Variants in DPF3 observed in about 807,000 individuals in gnomAD.
DPF3 encodes the protein double PHD fingers 3.
A neutral mutation model predicts 56.8 loss-of-function variants in DPF3; 18 were observed. That is an observed-to-expected ratio of 0.32 (90% confidence interval 0.22 to 0.47). The LOEUF (loss-of-function observed/expected upper bound fraction) is 0.47. DPF3 is among the 20% of genes least tolerant of loss of function. DPF3 has a pLI of 1.00. For synonymous variants in DPF3, 188 were observed against 180.2 expected (o/e 1.04, Z -0.35); for missense variants, 403 against 488.8 (o/e 0.82, Z 1.65).
chr14:72,892,127 T>C, intron 1 of DPF3: 23 of 1,528,472 alleles, frequency 1.5e-5, no homozygotes, highest in Non-Finnish European at 2.0e-5. Context: ...AGGGTACGGC[T>C]TTCCCAGGAG....
At chr14:72,791,575 C>A (rs746466290) in intron 1 of DPF3, among the ~76,000 whole-genome samples, 2 of 152,176 alleles carry the variant, frequency 1.3e-5, no homozygotes, top group African/African-American at 2.4e-5. Context: ...TCCCCCTGTG[C>A]GGGGTGTTAA....
At position 72,609,201 on chromosome 14, in the gene DPF3, G is replaced by A. The variant is rs1366220913; in HGVS notation, c.*10096C>T. On this transcript the variant is annotated 3_prime_UTR_variant, in exon 11 of 11. Transcript: ENST00000556509. ...TTTGAGAACGTGCGAGCATTCCATG[G>A]GATATCGAGGGGTCCCAAAGAAGAA... is the stretch of plus-strand genomic sequence containing the variant. 6.6e-6 allele frequency among the ~76,000 whole-genome samples: 1 copy of A among 152,126 alleles called. No homozygotes were observed. The highest frequency in any genetic ancestry group is 1.5e-5 in the Non-Finnish European group (1 of 68,020).
chr14:72,755,120 T>C (rs536301623), intron 2 of DPF3, among the ~76,000 whole-genome samples: 2 of 152,340 alleles, frequency 1.3e-5, no homozygotes, highest in Non-Finnish European at 2.9e-5. Context: ...CTCTGGGCCT[T>C]AGGTTTCCTT....
At chr14:72,798,359 C>A (rs1010863534) in intron 1 of DPF3, among the ~76,000 whole-genome samples, 4 of 151,526 alleles carry the variant, frequency 2.6e-5, no homozygotes, top group Admixed American at 2.0e-4. Context: ...CTCTTAAGAG[C>A]CCCATTTATC....
intron 1 of DPF3, among the ~76,000 whole-genome samples, chr14:72,840,685 T>C (rs1884510071): frequency 6.6e-6 from 1 of 152,236 alleles, no homozygotes; most frequent in African/African-American, 2.4e-5. Flanking sequence ...TAATTCATGA[T>C]ATAAAGGTGT....
chr14:72,758,958 G>C (rs1890954613), intron 2 of DPF3, among the ~76,000 whole-genome samples: 1 of 152,026 alleles, frequency 6.6e-6, no homozygotes, highest in Non-Finnish European at 1.5e-5. Context: ...TAAAGAAGCT[G>C]GAAAATATGA....
intron 1 of DPF3, among the ~76,000 whole-genome samples, chr14:72,873,383 A>T (rs935109387): frequency 6.6e-6 from 1 of 152,190 alleles, no homozygotes; most frequent in African/African-American, 2.4e-5. Flanking sequence ...ATACCATCTC[A>T]CACCAGTTAG....
intron 8 of DPF3, among the ~76,000 whole-genome samples, chr14:72,645,310 T>TTC (rs1211135973): frequency 1.3e-5 from 2 of 151,256 alleles, no homozygotes; most frequent in African/African-American, 4.9e-5. Flanking sequence ...TTTTTTTTTT[T>TTC]CAGAGATAGG....
intron 6 of DPF3, among the ~76,000 whole-genome samples, chr14:72,707,649 G>T (rs570225009): frequency 1.1e-3 from 161 of 151,756 alleles, no homozygotes; most frequent in African/African-American, 3.7e-3. Context: ...AAAATGGTAC[G>T]TATCATTTCT....
intron 7 of DPF3, 124 bp downstream of exon 7, chr14:72,692,952 C>A: frequency 6.7e-7 from 1 of 1,502,704 alleles, no homozygotes. Context: ...CACACTACAG[C>A]ACATTGAGAC....
At position 72,753,430 on chromosome 14, in the gene DPF3, T is replaced by C. The variant is rs928152429; in HGVS notation, c.194-59A>G. On this transcript the variant is annotated intron_variant, in intron 2 of 10. Coordinates refer to ENST00000556509, the MANE Select transcript of DPF3 (RefSeq NM_001280542.3). The stretch of plus-strand genomic sequence containing the variant: ...CCAGGCTGGAAGGGGCCTTGGAAAC[T>C]ACCCTGACTAACCCCGTCATTCACA... The C allele has an allele frequency of 2.0e-4, 276 of 1,346,938 alleles. 1 individual carries two copies. Among genetic ancestry groups the C allele is most frequent in the Middle Eastern group, 9.1e-4 (5 of 5,496 alleles). The allele number at this position is 1,346,938 out of a possible 1,614,324, so 83.4% of individuals were successfully genotyped here.
At chr14:72,803,498 G>C (rs1355709733) in intron 1 of DPF3, among the ~76,000 whole-genome samples, 2 of 152,230 alleles carry the variant, frequency 1.3e-5, no homozygotes, top group Non-Finnish European at 2.9e-5. Context: ...CTGGCAATGG[G>C]CCATGAAAAC....
At chr14:72,653,537 A>G (rs1002486093) in intron 8 of DPF3, among the ~76,000 whole-genome samples, 7 of 152,240 alleles carry the variant, frequency 4.6e-5, no homozygotes, top group African/African-American at 1.7e-4. Context: ...TCAGACCCCA[A>G]GGAGCTTCAC....
At chr14:72,814,252 C>T (rs1369077702) in intron 1 of DPF3, among the ~76,000 whole-genome samples, 1 of 152,124 alleles carries the variant, frequency 6.6e-6, no homozygotes, top group Non-Finnish European at 1.5e-5. Flanking sequence ...CTTCCCAGGC[C>T]TTCACCCTTC....
At chr14:72,658,097 G>T (rs1463933492) in intron 8 of DPF3, among the ~76,000 whole-genome samples, 1 of 152,192 alleles carries the variant, frequency 6.6e-6, no homozygotes. Flanking sequence ...GCACAGTAGG[G>T]TGACTGTAGT....
chr14:72,649,449 T>C (rs893110434), intron 8 of DPF3, among the ~76,000 whole-genome samples: 1 of 151,214 alleles, frequency 6.6e-6, no homozygotes, highest in Non-Finnish European at 1.5e-5. Context: ...TCCAGAAGAG[T>C]GAGGACAGAG....
chr14:72,705,077 C>G (rs1427640137), intron 6 of DPF3, among the ~76,000 whole-genome samples: 1 of 152,168 alleles, frequency 6.6e-6, no homozygotes, highest in African/African-American at 2.4e-5. Flanking sequence ...ACCCCCCGGG[C>G]TATAGACTGA....
At chr14:72,827,780 C>T (rs1412649211) in intron 1 of DPF3, among the ~76,000 whole-genome samples, 1 of 151,868 alleles carries the variant, frequency 6.6e-6, no homozygotes, top group African/African-American at 2.4e-5. Context: ...GCGCCTGGCC[C>T]CCCTTTACTC....
intron 1 of DPF3, among the ~76,000 whole-genome samples, chr14:72,813,944 G>A (rs568526292): frequency 7.2e-5 from 11 of 152,108 alleles, no homozygotes; most frequent in Non-Finnish European, 1.5e-4. Context: ...TCAGAGGTTG[G>A]CGAGGCAAAG....
Sources: allele counts gnomAD v4.1 joint callset (sites outside exome capture counted in the v4.1 genomes callset), GRCh38; gene constraint gnomAD v4.1.1; transcripts MANE v1.5; gene names NCBI Gene and HGNC (gene_info 2026-07-23, HGNC 2026-07-21).